PANX1: variants seen among roughly 807,000 people sequenced by gnomAD.
The protein encoded by PANX1 is pannexin 1.
PANX1 carries 30 observed loss-of-function variants against 38.7 expected under a neutral mutation model. The observed-to-expected ratio is 0.78, with a 90% CI of 0.58 to 1.05. The LOEUF is 1.05. PANX1 is among the 50% of genes least tolerant of loss of function. The pLI, the probability that PANX1 is intolerant of heterozygous loss-of-function variation, is 0.00. For synonymous variants in PANX1, 230 were observed against 212.2 expected, an observed-to-expected ratio of 1.08 and a Z score of -0.73; for missense variants, 551 against 517.2, an observed-to-expected ratio of 1.07 and a Z score of -0.63.
At chr11:94,137,120 G>A (rs949505544) in intron 1 of PANX1, among the ~76,000 whole-genome samples, 11 of 152,038 alleles carry the variant, frequency 7.2e-5, no homozygotes, top group African/African-American at 2.7e-4. Flanking sequence ...CCTGGCCAAC[G>A]TGATGAAACT....
intron 2 of PANX1, among the ~76,000 whole-genome samples, chr11:94,160,821 G>A (rs934649732): frequency 9.9e-5 from 15 of 152,134 alleles, no homozygotes; most frequent in African/African-American, 2.2e-4. Context: ...TCCTAGCCTC[G>A]ATGGTCTTTA....
At chr11:94,174,679 C>T (rs1386459794) in intron 2 of PANX1, among the ~76,000 whole-genome samples, 1 of 151,708 alleles carries the variant, frequency 6.6e-6, no homozygotes, top group Non-Finnish European at 1.5e-5. Flanking sequence ...CTGCCTAGCA[C>T]ATAGCAGGTC....
intron 2 of PANX1, among the ~76,000 whole-genome samples, chr11:94,167,868 T>C (rs2134512818): frequency 6.6e-6 from 1 of 152,238 alleles, no homozygotes; most frequent in South Asian, 2.1e-4. Flanking sequence ...AAGAAGGCAG[T>C]GAGAGGGAAT....
chr11:94,161,608 A>G (rs976259885), intron 2 of PANX1, among the ~76,000 whole-genome samples: 20 of 152,124 alleles, frequency 1.3e-4, no homozygotes, highest in African/African-American at 4.8e-4. Context: ...TGGTTATTCT[A>G]GTTAGCCATT....
chr11:94,158,243 T>A (rs988392606), intron 2 of PANX1, among the ~76,000 whole-genome samples: 1 of 152,096 alleles, frequency 6.6e-6, no homozygotes, highest in Non-Finnish European at 1.5e-5. Context: ...TCTTTTTTGG[T>A]TCCATATGAA....
At chr11:94,157,989 A>G (rs1946975474) in intron 2 of PANX1, among the ~76,000 whole-genome samples, 1 of 152,242 alleles carries the variant, frequency 6.6e-6, no homozygotes, top group African/African-American at 2.4e-5. Context: ...AGTACCATTT[A>G]TTAAATAGGG....
chr11:94,157,859 G>C (rs1946974115), intron 2 of PANX1, among the ~76,000 whole-genome samples: 2 of 152,108 alleles, frequency 1.3e-5, no homozygotes, highest in African/African-American at 2.4e-5. Context: ...TTCTTCTAGG[G>C]TTTTTATGGT....
chr11:94,129,297 C>T lies in PANX1; in HGVS notation c.-16C>T, dbSNP rs2134467923. On this transcript the variant is annotated 5_prime_UTR_variant, in exon 1 of 5. Coordinates refer to ENST00000227638, the MANE Select transcript of PANX1 (RefSeq NM_015368.4). ...CTGTACCCGGACCTCCTGGTCGAGCCTGGCGCGCCGCAGCCATGGCCATCG... is the reference window on the plus strand; with the variant it reads ...CTGTACCCGGACCTCCTGGTCGAGCTTGGCGCGCCGCAGCCATGGCCATCG... The T allele has an allele frequency of 1.3e-6, 2 of 1,596,370 alleles. No homozygotes were observed. Among genetic ancestry groups the T allele is most frequent in the South Asian group, 2.2e-5 (2 of 90,092 alleles).
intron 2 of PANX1, among the ~76,000 whole-genome samples, chr11:94,168,874 A>C (rs1947132460): frequency 6.6e-6 from 1 of 151,664 alleles, no homozygotes; most frequent in Admixed American, 6.5e-5. Context: ...GGAAGTAACA[A>C]GATGTGCTGA....
intron 2 of PANX1, among the ~76,000 whole-genome samples, chr11:94,171,424 G>A (rs1947165681): frequency 6.6e-6 from 1 of 151,686 alleles, no homozygotes; most frequent in South Asian, 2.1e-4. Context: ...TATGCAGGCA[G>A]AGACCATGAC....
chr11:94,154,022 C>T (rs571410793), intron 2 of PANX1, among the ~76,000 whole-genome samples: 93 of 152,342 alleles, frequency 6.1e-4, no homozygotes, highest in African/African-American at 2.2e-3. Flanking sequence ...AGCACCTTTT[C>T]TACCACACAC....
intron 2 of PANX1, among the ~76,000 whole-genome samples, chr11:94,177,600 A>T (rs995220273): frequency 6.6e-6 from 1 of 152,138 alleles, no homozygotes; most frequent in Non-Finnish European, 1.5e-5. Flanking sequence ...TGCTGAGGCT[A>T]AGCCACCTCT....
In PANX1 at chr11:94,179,840, C is replaced by G. The variant is rs1408430055; in HGVS notation, c.784C>G (p.Gln262Glu). Residue 262 changes from glutamine to glutamate, a missense_variant, in exon 4 of 5, where the codon CAG becomes GAG. Transcript: ENST00000227638. ...ILRNDSTVPDQFQCKLIAVGI... is the reference protein window; with the variant it reads ...ILRNDSTVPDEFQCKLIAVGI... ...GAGAAACGACAGCACCGTGCCCGAT[C>G]AGTTTCAGTGCAAACTCATTGCCGT... 3 of 1,614,158 alleles carry G rather than the reference C, an allele frequency of 1.9e-6. No individual in the cohort carries two copies. The highest frequency in any genetic ancestry group is 2.5e-6 in the Non-Finnish European group (3 of 1,180,030).
intron 4 of PANX1, among the ~76,000 whole-genome samples, chr11:94,180,540 A>G (rs1006164299): frequency 1.5e-4 from 23 of 152,070 alleles, no homozygotes; most frequent in African/African-American, 5.3e-4. Flanking sequence ...TTGCTCAGCA[A>G]TCTTCCTTGT....
In PANX1 at chr11:94,180,050, A is replaced by G; in HGVS notation, c.994A>G (p.Asn332Asp). 6.2e-7 allele frequency: 1 copy of G among 1,611,316 alleles called. No individual in the cohort carries two copies. Among genetic ancestry groups the G allele is most frequent in the Non-Finnish European group, 8.5e-7 (1 of 1,178,142 alleles). The stretch of plus-strand genomic sequence containing the variant: ...AGGGTACAACGATTTGAGCCTCTAC[A>G]ATCTCTTCTTGGAGGAAAATATAAG... ...SEGYNDLSLYNLFLEENISEV... is the reference protein window; with the variant it reads ...SEGYNDLSLYDLFLEENISEV... The change falls in exon 4 of 5, where the codon AAT (asparagine) becomes GAT (aspartate). Residue 332 changes from asparagine (N) to aspartate (D), a missense_variant. Coordinates refer to ENST00000227638, the MANE Select transcript of PANX1 (RefSeq NM_015368.4).
In PANX1 at chr11:94,153,644, T is replaced by A. The variant is rs773413093; in HGVS notation, c.321+14T>A. 1.9e-6 allele frequency: 3 copies of A among 1,610,626 alleles called. No individual in the cohort carries two copies. In the Admixed American group the frequency reaches 5.0e-5, roughly 27 times the overall value. The stretch of plus-strand genomic sequence containing the variant: ...TGGCTGCATAAGGTAAAGGGAGACA[T>A]TTCCAAATAGAACCTGTTTGCTTTA... On this transcript the variant is annotated intron_variant, in intron 2 of 4. Transcript: ENST00000227638.
At chr11:94,173,195 T>C (rs2134519500) in intron 2 of PANX1, among the ~76,000 whole-genome samples, 1 of 151,874 alleles carries the variant, frequency 6.6e-6, no homozygotes, top group Middle Eastern at 3.4e-3. Context: ...TACTTCCTAC[T>C]TTCTGACTGC....
At position 94,179,892 on chromosome 11, in the gene PANX1, T is replaced by C; in HGVS notation, c.836T>C (p.Ile279Thr). The stretch of plus-strand genomic sequence containing the variant: ...GGCATCTTCCAGTTGCTCAGTGTCA[T>C]TAACCTTGTGGTTTATGTCCTGCTG... ...AVGIFQLLSV[I>T]NLVVYVLLAP... Residue 279 changes from isoleucine (I) to threonine (T), a missense_variant, in exon 4 of 5, where the codon ATT becomes ACT. Coordinates refer to ENST00000227638, the MANE Select transcript of PANX1 (RefSeq NM_015368.4). 6.2e-7 allele frequency: 1 copy of C among 1,614,082 alleles called. No homozygotes were observed.
At chr11:94,136,474 G>A (rs72970709) in intron 1 of PANX1, among the ~76,000 whole-genome samples, 1 of 152,168 alleles carries the variant, frequency 6.6e-6, no homozygotes, top group Non-Finnish European at 1.5e-5. Context: ...CAGGGACCAT[G>A]TGTCCTTAAA....
Sources: allele counts gnomAD v4.1 joint callset (sites outside exome capture counted in the v4.1 genomes callset), GRCh38; gene constraint gnomAD v4.1.1; transcripts MANE v1.5; gene names NCBI Gene and HGNC (gene_info 2026-07-23, HGNC 2026-07-21).